Variants in GALNT10 observed in about 807,000 individuals in gnomAD.
The protein encoded by GALNT10 is GalNAc transferase 10.
GALNT10 carries 41 observed loss-of-function variants against 75.0 expected under a neutral mutation model. That is an observed-to-expected ratio of 0.55 (90% CI 0.43 to 0.71). GALNT10 has a LOEUF of 0.71. GALNT10 is among the 30% of genes least tolerant of loss of function. GALNT10 has a pLI of 0.00. For missense variants in GALNT10, 727 were observed against 818.5 expected, an observed-to-expected ratio of 0.89 and a Z score of 1.36; for synonymous variants, 302 against 313.0, an observed-to-expected ratio of 0.96 and a Z score of 0.37.
intron 3 of GALNT10, among the ~76,000 whole-genome samples, chr5:154,308,524 C>T (rs984096307): frequency 6.6e-6 from 1 of 152,220 alleles, no homozygotes; most frequent in African/African-American, 2.4e-5. Flanking sequence ...CGTGGCATCA[C>T]CAGCTGTGCA....
intron 1 of GALNT10, among the ~76,000 whole-genome samples, chr5:154,280,809 T>C (rs889437207): frequency 3.3e-5 from 5 of 152,202 alleles, no homozygotes; most frequent in African/African-American, 1.2e-4. Flanking sequence ...TCATGTAGGG[T>C]GTGAGGAAGT....
At chr5:154,379,033 C>CG (rs1561676598) in intron 5 of GALNT10, among the ~76,000 whole-genome samples, 1 of 148,114 alleles carries the variant, frequency 6.8e-6, no homozygotes, top group South Asian at 2.2e-4. Flanking sequence ...GGGCCTGGGT[C>CG]GGGGGCGGGC....
chr5:154,210,976 G>C (rs1775187604), intron 1 of GALNT10, among the ~76,000 whole-genome samples: 1 of 152,170 alleles, frequency 6.6e-6, no homozygotes, highest in African/African-American at 2.4e-5. Context: ...GAGGGAGAGA[G>C]AGTGATAAAA....
chr5:154,315,495 G>C (rs865803003), intron 3 of GALNT10, among the ~76,000 whole-genome samples: 3 of 152,254 alleles, frequency 2.0e-5, no homozygotes, highest in Admixed American at 1.3e-4. Context: ...GCTCTCCTCT[G>C]TGTAGCTCTG....
At chr5:154,299,357 A>G (rs1404129192) in intron 3 of GALNT10, among the ~76,000 whole-genome samples, 2 of 152,212 alleles carry the variant, frequency 1.3e-5, no homozygotes, top group African/African-American at 4.8e-5. Flanking sequence ...AACTCAGTCA[A>G]ATCTTCTAAA....
At chr5:154,330,908 G>GTGTGTGTGTGTGTGTGT (rs1754848603) in intron 4 of GALNT10, among the ~76,000 whole-genome samples, 3 of 125,920 alleles carry the variant, frequency 2.4e-5, no homozygotes, top group African/African-American at 8.0e-5. Flanking sequence ...AGACAGAGAG[G>GTGTGTGTGTGTGTGTGT]GTGTGTGTGT....
In GALNT10 at chr5:154,420,285, T is replaced by G. The variant is rs1014159517; in HGVS notation, c.*3313T>G. ...TTTCCAAAGTCTACATGACATTCAC[T>G]TTTCAAACTTCCCACCAGTTGAATT... On this transcript the variant is annotated 3_prime_UTR_variant, in exon 12 of 12. Transcript: ENST00000297107. 2 of 152,256 alleles carry G rather than the reference T, an allele frequency of 1.3e-5. No individual in the cohort carries two copies. The highest frequency in any genetic ancestry group is 4.8e-5 in the African/African-American group (2 of 41,468). 9.4% of individuals were successfully genotyped at this position (152,256 alleles called of 1,614,324 possible). A position where few individuals can be genotyped will look rare whatever the true frequency, so the allele number is the denominator to read the frequency against.
At chr5:154,250,867 G>C (rs1276146927) in intron 1 of GALNT10, among the ~76,000 whole-genome samples, 1 of 152,110 alleles carries the variant, frequency 6.6e-6, no homozygotes, top group Non-Finnish European at 1.5e-5. Flanking sequence ...AGGAATATCT[G>C]CTATTGCCAG....
chr5:154,413,520 A>C (rs1362620313), intron 10 of GALNT10, among the ~76,000 whole-genome samples: 1 of 152,142 alleles, frequency 6.6e-6, no homozygotes, highest in Non-Finnish European at 1.5e-5. Context: ...GTCACTTTTG[A>C]GAGGTGATGG....
chr5:154,306,121 A>G (rs1477958020), intron 3 of GALNT10, among the ~76,000 whole-genome samples: 1 of 152,218 alleles, frequency 6.6e-6, no homozygotes, highest in Non-Finnish European at 1.5e-5. Context: ...TAATACAGAT[A>G]GACAGAAAAT....
At chr5:154,191,138 C>T (rs976785602) in intron 1 of GALNT10, 113 bp downstream of exon 1, 1 of 668,374 alleles carries the variant, frequency 1.5e-6, no homozygotes, top group African/African-American at 1.9e-5. Flanking sequence ...AGCTCCGAGA[C>T]TCTTCAGCTC....
At chr5:154,290,258 A>ATT (rs71577131) in intron 1 of GALNT10, among the ~76,000 whole-genome samples, 8,875 of 98,638 alleles carry the variant, frequency 0.09, 620 homozygotes, top group Non-Finnish European at 0.11. Context: ...CACTCAGCTA[A>ATT]TTTTTTTTTT....
intron 3 of GALNT10, among the ~76,000 whole-genome samples, chr5:154,324,227 G>A (rs1420631256): frequency 6.6e-6 from 1 of 152,242 alleles, no homozygotes; most frequent in East Asian, 1.9e-4. Flanking sequence ...CTGTGCAGAT[G>A]CAGTGTCCCC....
At chr5:154,254,380 A>T (rs1451550664) in intron 1 of GALNT10, among the ~76,000 whole-genome samples, 3 of 152,178 alleles carry the variant, frequency 2.0e-5, no homozygotes, top group Non-Finnish European at 4.4e-5. Flanking sequence ...GTAGATGCTC[A>T]TAAATATTGA....
intron 4 of GALNT10, among the ~76,000 whole-genome samples, chr5:154,357,661 A>T (rs1279240018): frequency 6.6e-6 from 1 of 152,172 alleles, no homozygotes; most frequent in African/African-American, 2.4e-5. Flanking sequence ...AGTTCTCCTG[A>T]TATCATCTCT....
At chr5:154,235,822 C>A (rs140005819) in intron 1 of GALNT10, among the ~76,000 whole-genome samples, 2 of 152,298 alleles carry the variant, frequency 1.3e-5, no homozygotes, top group African/African-American at 4.8e-5. Context: ...TATGTAATCT[C>A]ACCGGTTGTC....
intron 7 of GALNT10, among the ~76,000 whole-genome samples, chr5:154,397,313 C>T (rs1756040464): frequency 6.6e-6 from 1 of 151,614 alleles, no homozygotes; most frequent in African/African-American, 2.4e-5. Flanking sequence ...CTAATACATT[C>T]AAAATAATAT....
chr5:154,404,539 C>G (rs1756232815), intron 8 of GALNT10, among the ~76,000 whole-genome samples: 1 of 151,562 alleles, frequency 6.6e-6, no homozygotes, highest in South Asian at 2.1e-4. Context: ...AGGAGACGAT[C>G]TTAGGCAGCA....
At chr5:154,233,377 G>A (rs1197751562) in intron 1 of GALNT10, among the ~76,000 whole-genome samples, 1 of 152,166 alleles carries the variant, frequency 6.6e-6, no homozygotes, top group African/African-American at 2.4e-5. Flanking sequence ...AATAAATGAA[G>A]GGCTCCAAAG....
Sources: gnomAD v4.1 joint callset for allele counts (sites outside exome capture counted in the v4.1 genomes callset) on GRCh38, gnomAD v4.1.1 for gene constraint, MANE v1.5 for transcripts, NCBI Gene and HGNC (gene_info 2026-07-23, HGNC 2026-07-21) for gene names.